Variants in SIGLEC9 observed in about 807,000 individuals in gnomAD.
SIGLEC9 encodes the protein sialic acid binding Ig like lectin 9.
Under a neutral mutation model 38.3 loss-of-function variants are expected in SIGLEC9, and 26 were observed. That is an observed-to-expected ratio of 0.68 (90% CI 0.50 to 0.94). The LOEUF (loss-of-function observed/expected upper bound fraction) is 0.94, where lower values mean the gene tolerates loss of function less well. SIGLEC9 is among the 40% of genes least tolerant of loss of function. The pLI, the probability that SIGLEC9 is intolerant of heterozygous loss-of-function variation, is 0.00. For missense variants in SIGLEC9, 556 were observed against 585.7 expected, an observed-to-expected ratio of 0.95 and a Z score of 0.52; for synonymous variants, 236 against 248.0, an observed-to-expected ratio of 0.95 and a Z score of 0.45.
In SIGLEC9 at chr19:51,129,304, G is replaced by A. The variant is rs189329162; in HGVS notation, c.1204-587G>A. Among the ~76,000 whole-genome samples, 646 of 151,304 alleles carry A rather than the reference G, an allele frequency of 4.3e-3. 3 individuals are homozygous for A. Among genetic ancestry groups the A allele is most frequent in the Middle Eastern group, 0.024 (7 of 294 alleles). On this transcript the variant is annotated intron_variant, in intron 6 of 6. Coordinates refer to ENST00000250360, the MANE Select transcript of SIGLEC9 (RefSeq NM_014441.3). ...CTCCGGAGTAGCTGGGACTACAGGC[G>A]CCTGCCACCACGCCCAGCTAATTTT...
downstream of SIGLEC9, among the ~76,000 whole-genome samples, chr19:51,134,837 ATCTT>A: frequency 6.6e-6 from 1 of 152,130 alleles, no homozygotes; most frequent in East Asian, 1.9e-4. Flanking sequence ...CTAATTTGGG[ATCTT>A]TCTAACTTTT....
chr19:51,120,191 G>A (rs1369822061), upstream of SIGLEC9: 2 of 152,746 alleles, frequency 1.3e-5, no homozygotes, highest in Non-Finnish European at 1.5e-5. This position sits in a 1 kb window ranked among gnomAD's most constrained non-coding sequence, Gnocchi z 4.1. Flanking sequence ...AGTTCACCTC[G>A]TTGGTCATCC....
chr19:51,128,257 CCT>C (rs1460228431), intron 5 of SIGLEC9, among the ~76,000 whole-genome samples, 155 bp from the exon 6 acceptor site: 1 of 152,112 alleles, frequency 6.6e-6, no homozygotes, highest in Non-Finnish European at 1.5e-5. Flanking sequence ...GAGAAGAGAG[CCT>C]CTGTTCTCAA....
chr19:51,121,405 T>C (rs764739081), upstream of SIGLEC9, among the ~76,000 whole-genome samples: 3 of 151,930 alleles, frequency 2.0e-5, no homozygotes, highest in Non-Finnish European at 4.4e-5. Flanking sequence ...GCATGGCGTC[T>C]CTCTTCCCCC....
rs2092008064 is a variant in SIGLEC9, at chr19:51,130,209, A to C, written c.*130A>C. ...TATGATAACACTATGAATTATGTGCAGAGTGAAAAGCACACAGGCTTTAGA... is the reference window on the plus strand; with the variant it reads ...TATGATAACACTATGAATTATGTGCCGAGTGAAAAGCACACAGGCTTTAGA... On this transcript the variant is annotated 3_prime_UTR_variant, in exon 7 of 7. Transcript: ENST00000250360. The C allele has an allele frequency of 7.1e-7, 1 of 1,399,904 alleles. No homozygotes were observed. Among genetic ancestry groups the C allele is most frequent in the Middle Eastern group, 2.2e-4 (1 of 4,580 alleles). The allele number at this position is 1,399,904 out of a possible 1,614,324, so 86.7% of individuals were successfully genotyped here. A position where few individuals can be genotyped will look rare whatever the true frequency, so the allele number is the denominator to read the frequency against.
intron 6 of SIGLEC9, among the ~76,000 whole-genome samples, chr19:51,129,302 G>T (rs1280772589): frequency 6.6e-6 from 1 of 151,462 alleles, no homozygotes; most frequent in Non-Finnish European, 1.5e-5. Context: ...GGGACTACAG[G>T]CGCCTGCCAC....
chr19:51,131,787 A>G (rs1301350541), downstream of SIGLEC9, among the ~76,000 whole-genome samples: 1 of 145,156 alleles, frequency 6.9e-6, no homozygotes, highest in Admixed American at 6.9e-5. Flanking sequence ...GAGGTGGCGT[A>G]TGCCTGTAGT....
At chr19:51,128,310 A>T in intron 5 of SIGLEC9, 104 bp from the exon 6 acceptor site, 1 of 1,341,798 alleles carries the variant, frequency 7.5e-7, no homozygotes, top group Non-Finnish European at 1.1e-6. Context: ...TTCCCACCTC[A>T]GTCACCCCTG....
At chr19:51,128,582 T>C in intron 6 of SIGLEC9, 72 bp downstream of exon 6, 1 of 1,395,684 alleles carries the variant, frequency 7.2e-7, no homozygotes, top group South Asian at 1.2e-5. Context: ...CCAGGACTAA[T>C]CAGCTGGGCG....
chr19:51,129,419 G>C (rs576545731), intron 6 of SIGLEC9, among the ~76,000 whole-genome samples: 3 of 151,848 alleles, frequency 2.0e-5, no homozygotes, highest in Non-Finnish European at 4.4e-5. Flanking sequence ...TTGGCTTCCC[G>C]AAGTGCTGGG....
Position 51,128,577 on chromosome 19 carries a change from A to T in SIGLEC9, c.1203+67A>T, listed in dbSNP as rs957385561. The stretch of plus-strand genomic sequence containing the variant: ...CACCTCCCACAGGATGACCCCCAGG[A>T]CTAATCAGCTGGGCGTAGCCAAAGT... On this transcript the variant is annotated intron_variant, in intron 6 of 6. Transcript: ENST00000250360. 8 of 1,441,684 alleles carry T rather than the reference A, an allele frequency of 5.5e-6. No homozygotes were observed. In the African/African-American group the frequency reaches 1.1e-4, roughly 21 times the overall value. The allele number at this position is 1,441,684 out of a possible 1,614,324, so 89.3% of individuals were successfully genotyped here.
Position 51,127,314 on chromosome 19 carries a change from C to G in SIGLEC9, c.1015+18C>G. On this transcript the variant is annotated intron_variant, in intron 4 of 6. Transcript: ENST00000250360. ...CCTGCAGAGTGAGTGCACCAGTATG[C>G]TGGGGAGGGGCTGGAGAGGAGAACA... is the stretch of plus-strand genomic sequence containing the variant. 6.3e-7 allele frequency: 1 copy of G among 1,594,420 alleles called. No individual in the cohort carries two copies. The highest frequency in any genetic ancestry group is 2.3e-5 in the East Asian group (1 of 44,200).
At chr19:51,130,901 C>T (rs1189003140), downstream of SIGLEC9, among the ~76,000 whole-genome samples, 1 of 152,230 alleles carries the variant, frequency 6.6e-6, no homozygotes, top group African/African-American at 2.4e-5. Flanking sequence ...TCCTTGCACA[C>T]TGGGGACCCT....
At chr19:51,132,646 C>G (rs1043100782), downstream of SIGLEC9, among the ~76,000 whole-genome samples, 1 of 152,182 alleles carries the variant, frequency 6.6e-6, no homozygotes, top group Non-Finnish European at 1.5e-5. Flanking sequence ...ATGCTGCTGC[C>G]GCCGCATCCC....
intron 6 of SIGLEC9, among the ~76,000 whole-genome samples, chr19:51,129,371 G>A (rs1267647166): frequency 6.6e-6 from 1 of 151,800 alleles, no homozygotes; most frequent in Non-Finnish European, 1.5e-5. Context: ...GTGTTAGCCA[G>A]GATGGTCTCA....
chr19:51,136,257 T>G (rs1355146966), exon 7 of SIGLEC9: 1 of 684,464 alleles, frequency 1.5e-6, no homozygotes, highest in Non-Finnish European at 2.6e-6. Context: ...TTTTATATTC[T>G]CTGATGCCCT....
upstream of SIGLEC9, among the ~76,000 whole-genome samples, chr19:51,122,299 C>T (rs1178167046): frequency 2.0e-5 from 3 of 151,894 alleles, no homozygotes; most frequent in East Asian, 1.9e-4. This position sits in a 1 kb window ranked among gnomAD's most constrained non-coding sequence, Gnocchi z 4.1. Flanking sequence ...GAGCATGAGC[C>T]GGGCCAGGCT....
chr19:51,133,333 G>C (rs8109338), downstream of SIGLEC9, among the ~76,000 whole-genome samples: 127,407 of 151,334 alleles, frequency 0.84, 55,493 homozygotes, highest in East Asian at 0.97. Flanking sequence ...AGCACTTTGG[G>C]AGGCTGAGGT....
At chr19:51,128,113 C>CTCTGGCTT in intron 5 of SIGLEC9, 74 bp downstream of exon 5, 1 of 1,261,640 alleles carries the variant, frequency 7.9e-7, no homozygotes, top group Non-Finnish European at 1.1e-6. Flanking sequence ...ATCCCTGAAG[C>CTCTGGCTT]CAGAGCTGGA....
Sources: gnomAD v4.1 joint callset for allele counts (sites outside exome capture counted in the v4.1 genomes callset) on GRCh38, gnomAD v4.1.1 for gene constraint, Gnocchi (gnomAD v3.1) non-coding constraint, MANE v1.5 for transcripts, NCBI Gene and HGNC (gene_info 2026-07-23, HGNC 2026-07-21) for gene names.